The following RFX7 variants were observed in gnomAD, a reference collection of about 807,000 sequenced individuals.
RFX7 encodes the protein regulatory factor X7, also known as DNA-binding protein RFX7.
A neutral mutation model predicts 111.8 loss-of-function variants in RFX7; 26 were observed. That is an observed-to-expected ratio of 0.23 (90% CI 0.17 to 0.32). The LOEUF is 0.32. RFX7 is among the 10% of genes least tolerant of loss of function. RFX7 has a pLI of 1.00. For synonymous variants in RFX7, 624 were observed against 624.4 expected (o/e 1.00, Z 0.01); for missense variants, 1,573 against 1,772.9 (o/e 0.89, Z 2.02).
intron 2 of RFX7, among the ~76,000 whole-genome samples, chr15:56,232,251 T>C (rs2141233412): frequency 6.6e-6 from 1 of 152,320 alleles, no homozygotes; most frequent in East Asian, 1.9e-4. Flanking sequence ...AGAGGTTTCA[T>C]GAGGGCTCCA....
At chr15:56,149,270 A>G (rs2042532760) in intron 3 of RFX7, among the ~76,000 whole-genome samples, 1 of 152,148 alleles carries the variant, frequency 6.6e-6, no homozygotes, top group African/African-American at 2.4e-5. Context: ...ATGAAAATAC[A>G]TTTTTGTGGT....
rs763192783 is a variant in RFX7, at chr15:56,094,584, C to T, written c.3144G>A (p.Pro1048=). The change falls in exon 10 of 10, where the codon CCG becomes CCA. Residue 1048 remains proline (P), a synonymous_variant. Transcript: ENST00000559447. ...ASIVSSSPVK[P]MQRPMATHPD... ...GGTGTGTGGCCATGGGTCTTTGCAT[C>T]GGTTTCACAGGACTACTTGAGACAA... The T allele has an allele frequency of 2.7e-5, 43 of 1,613,766 alleles. No homozygotes were observed. Among genetic ancestry groups the T allele is most frequent in the South Asian group, 3.3e-5 (3 of 91,074 alleles).
In RFX7 at chr15:56,229,057, G is replaced by C. The variant is rs140814088; in HGVS notation, c.161+14068C>G. Reference sequence around the variant, plus strand: ...TATCAAGTGACTAAAGGACAGGATGGAGCAGGATGGCACAAGATTTCATCA... The same window carrying C: ...TATCAAGTGACTAAAGGACAGGATGCAGCAGGATGGCACAAGATTTCATCA... On this transcript the variant is annotated intron_variant, in intron 2 of 9. Transcript: ENST00000559447. Among the ~76,000 whole-genome samples the C allele has an allele frequency of 5.0e-3, 759 of 152,300 alleles. 4 individuals are homozygous for C. Among genetic ancestry groups the C allele is most frequent in the Middle Eastern group, 0.014 (4 of 294 alleles).
At chr15:56,147,476 T>C (rs1222203407) in intron 3 of RFX7, among the ~76,000 whole-genome samples, 2 of 152,238 alleles carry the variant, frequency 1.3e-5, no homozygotes, top group African/African-American at 4.8e-5. Flanking sequence ...GAAAAGGTTT[T>C]GAAACTAGAT....
chr15:56,124,360 TGCAGTGAG>T (rs2042115560), intron 5 of RFX7, among the ~76,000 whole-genome samples: 1 of 151,164 alleles, frequency 6.6e-6, no homozygotes, highest in Admixed American at 6.6e-5. Context: ...AGGCGGAGCT[TGCAGTGAG>T]CCGAGATCGT....
intron 5 of RFX7, among the ~76,000 whole-genome samples, chr15:56,114,540 A>G (rs2041982754): frequency 6.6e-6 from 1 of 152,052 alleles, no homozygotes; most frequent in Admixed American, 6.5e-5. Context: ...TATGTTGAAC[A>G]ATGATAGTAG....
At chr15:56,125,699 CATAT>C (rs1374550789) in intron 5 of RFX7, among the ~76,000 whole-genome samples, 1 of 150,800 alleles carries the variant, frequency 6.6e-6, no homozygotes, top group Non-Finnish European at 1.5e-5. Flanking sequence ...TCAGCTAGTT[CATAT>C]ATACAGTTTT....
At position 56,091,328 on chromosome 15, in the gene RFX7, A is replaced by C. The variant is rs2041593277; in HGVS notation, c.*2017T>G. ...GTATTGGTTGCATTTATCCTAAGAG[A>C]TGTGCCTACCACAGGTTCAACAAAT... is the stretch of plus-strand genomic sequence containing the variant. On this transcript the variant is annotated 3_prime_UTR_variant, in exon 10 of 10. Coordinates refer to ENST00000559447, the MANE Select transcript of RFX7 (RefSeq NM_022841.7). The C allele has an allele frequency of 6.6e-6, 1 of 152,546 alleles. No individual in the cohort carries two copies. Among genetic ancestry groups the C allele is most frequent in the South Asian group, 2.1e-4 (1 of 4,832 alleles). 9.4% of individuals were successfully genotyped at this position (152,546 alleles called of 1,614,324 possible). A position where few individuals can be genotyped will look rare whatever the true frequency, so the allele number is the denominator to read the frequency against.
At chr15:56,242,606 A>T (rs1248019943) in intron 2 of RFX7, among the ~76,000 whole-genome samples, 2 of 152,242 alleles carry the variant, frequency 1.3e-5, no homozygotes, top group African/African-American at 4.8e-5. Flanking sequence ...AAGAAATTTA[A>T]TATTAGGATA....
intron 3 of RFX7, among the ~76,000 whole-genome samples, chr15:56,174,776 T>A (rs1437665110): frequency 6.6e-6 from 1 of 152,018 alleles, no homozygotes; most frequent in Non-Finnish European, 1.5e-5. Context: ...CAAGTAACTA[T>A]GATTTTAAAA....
chr15:56,145,670 C>T (rs1247958137), intron 3 of RFX7, among the ~76,000 whole-genome samples: 1 of 152,070 alleles, frequency 6.6e-6, no homozygotes, highest in African/African-American at 2.4e-5. Flanking sequence ...CTCTAGTTTC[C>T]ACAGTGTTCA....
rs1383149403 is a variant in RFX7, at chr15:56,090,528, T to C, written c.*2817A>G. ...ATATGTCCCATAAAACACCTTCAGA[T>C]CCAGTCAGTTTAATATAAAATGTTT... On this transcript the variant is annotated 3_prime_UTR_variant, in exon 10 of 10. Transcript: ENST00000559447. 6.6e-6 allele frequency: 1 copy of C among 152,624 alleles called. No homozygotes were observed. The highest frequency in any genetic ancestry group is 1.5e-5 in the Non-Finnish European group (1 of 68,026). The allele number at this position is 152,624 out of a possible 1,614,324, so 9.5% of individuals were successfully genotyped here.
At chr15:56,151,307 C>G (rs944028210) in intron 3 of RFX7, among the ~76,000 whole-genome samples, 1 of 152,106 alleles carries the variant, frequency 6.6e-6, no homozygotes, top group Non-Finnish European at 1.5e-5. Flanking sequence ...GGCAGCCAGA[C>G]AGAAAGGTCA....
chr15:56,229,387 T>A (rs760570418), intron 2 of RFX7, among the ~76,000 whole-genome samples: 2 of 152,118 alleles, frequency 1.3e-5, no homozygotes, highest in Non-Finnish European at 2.9e-5. Flanking sequence ...TACCTCAGCC[T>A]CCCGAGTTGC....
At chr15:56,154,654 G>GT (rs1400285539) in intron 3 of RFX7, among the ~76,000 whole-genome samples, 2 of 152,098 alleles carry the variant, frequency 1.3e-5, no homozygotes, top group African/African-American at 4.8e-5. Context: ...AGACTTAAAC[G>GT]TAAGACCTAG....
chr15:56,122,301 T>C (rs935462054), intron 5 of RFX7, among the ~76,000 whole-genome samples: 1 of 152,132 alleles, frequency 6.6e-6, no homozygotes, highest in Non-Finnish European at 1.5e-5. Context: ...CTTGATGGTG[T>C]TGGATAAGGT....
intron 2 of RFX7, among the ~76,000 whole-genome samples, chr15:56,187,682 G>C (rs1194995192): frequency 6.6e-6 from 1 of 152,170 alleles, no homozygotes; most frequent in Non-Finnish European, 1.5e-5. Flanking sequence ...CCCAGTATTT[G>C]AATGACCCTA....
At chr15:56,152,447 A>G (rs1399415765) in intron 3 of RFX7, among the ~76,000 whole-genome samples, 2 of 152,198 alleles carry the variant, frequency 1.3e-5, no homozygotes, top group Non-Finnish European at 1.5e-5. Flanking sequence ...CTGCTCCTGA[A>G]TGACTACTGG....
chr15:56,193,874 T>C (rs2043122364), intron 2 of RFX7, among the ~76,000 whole-genome samples: 1 of 152,098 alleles, frequency 6.6e-6, no homozygotes, highest in Non-Finnish European at 1.5e-5. Context: ...ATAATAAATT[T>C]TAGGAAGCAT....
Sources: allele counts gnomAD v4.1 joint callset (sites outside exome capture counted in the v4.1 genomes callset), GRCh38; gene constraint gnomAD v4.1.1; transcripts MANE v1.5; gene names NCBI Gene and HGNC (gene_info 2026-07-23, HGNC 2026-07-21).